KAZN: variants seen among roughly 807,000 people sequenced by gnomAD.
KAZN encodes kazrin, periplakin interacting protein.
KAZN carries 40 observed loss-of-function variants against 87.4 expected under a neutral mutation model. The observed-to-expected ratio is 0.46, with a 90% CI of 0.36 to 0.60. The LOEUF is 0.60. Among genes scored for constraint, KAZN ranks in the 20% least tolerant of loss-of-function variants. KAZN has a pLI of 0.00. For missense variants in KAZN, 898 were observed against 1,073.9 expected (o/e 0.84, Z 2.29); for synonymous variants, 466 against 458.3 (o/e 1.02, Z -0.22).
At chr1:14,134,357 A>G (rs1267263523) in intron 1 of KAZN, among the ~76,000 whole-genome samples, 1 of 152,208 alleles carries the variant, frequency 6.6e-6, no homozygotes. Context: ...ACAACTGTGG[A>G]CTTTCACAGA....
At chr1:14,750,745 C>T (rs1461806288) in intron 1 of KAZN, among the ~76,000 whole-genome samples, 1 of 152,214 alleles carries the variant, frequency 6.6e-6, no homozygotes, top group East Asian at 1.9e-4. Flanking sequence ...CTGAAGATGG[C>T]TCACATTTGA....
intron 2 of KAZN, among the ~76,000 whole-genome samples, chr1:14,406,517 C>CT (rs1459298730): frequency 2.6e-5 from 4 of 151,806 alleles, no homozygotes; most frequent in Non-Finnish European, 4.4e-5. Flanking sequence ...AAGAATGACA[C>CT]AATGGACTTT....
At chr1:14,553,438 C>A (rs553001024) in intron 2 of KAZN, among the ~76,000 whole-genome samples, 4 of 152,294 alleles carry the variant, frequency 2.6e-5, no homozygotes, top group African/African-American at 9.6e-5. Flanking sequence ...ATGTTCCGCC[C>A]CATGCAAGTG....
intron 1 of KAZN, among the ~76,000 whole-genome samples, chr1:14,109,817 T>TCTCGCTCTG (rs1186061578): frequency 3.8e-4 from 57 of 149,754 alleles, no homozygotes; most frequent in South Asian, 1.3e-3. Context: ...TCAAAACGAT[T>TCTCGCTCTG]TCAGCGTCAA....
At chr1:14,079,884 C>T (rs1643605957) in intron 1 of KAZN, among the ~76,000 whole-genome samples, 1 of 151,870 alleles carries the variant, frequency 6.6e-6, no homozygotes, top group Non-Finnish European at 1.5e-5. Flanking sequence ...CCCACCACTT[C>T]CCATCAGGCC....
chr1:14,739,271 A>G (rs1572364232), intron 1 of KAZN, among the ~76,000 whole-genome samples: 1 of 152,194 alleles, frequency 6.6e-6, no homozygotes, highest in Admixed American at 6.5e-5. Flanking sequence ...TTAAGTCACA[A>G]ATGGTTTCCA....
chr1:14,728,103 C>T lies in KAZN; in HGVS notation c.226+128880C>T, dbSNP rs1458796534. Among the ~76,000 whole-genome samples, 7 of 151,420 alleles carry T rather than the reference C, an allele frequency of 4.6e-5. No individual in the cohort carries two copies. The East Asian group carries it at 6.0e-4, about 13-fold the overall frequency. On this transcript the variant is annotated intron_variant, in intron 1 of 14. Coordinates refer to ENST00000376030, the MANE Select transcript of KAZN (RefSeq NM_201628.3). ...GAGTTCGAGACCAGCCTGGCCAACA[C>T]GGTGAAACCTCGTCTCTACTAAAAA...
At chr1:14,854,730 C>CTA (rs144170063) in intron 1 of KAZN, among the ~76,000 whole-genome samples, 7,894 of 152,162 alleles carry the variant, frequency 0.052, 305 homozygotes, top group Admixed American at 0.091. Context: ...CTGTACCTGT[C>CTA]TGCCACCGCA....
At chr1:14,350,196 A>C (rs889010807) in intron 2 of KAZN, among the ~76,000 whole-genome samples, 1 of 151,164 alleles carries the variant, frequency 6.6e-6, no homozygotes, top group Non-Finnish European at 1.5e-5. Context: ...CTCCAGGATG[A>C]GGTTTCTGTC....
At position 13,983,505 on chromosome 1, in the gene KAZN, C is replaced by A. The variant is rs138906492; in HGVS notation, c.91+89749C>A. On this transcript the variant is annotated intron_variant, in intron 1 of 16. Transcript: ENST00000636203. ...ACCACCTGGAACTCTAGCTGGCCCG[C>A]AAGCACGGCACACAGCCCTGGTTCC... Among the ~76,000 whole-genome samples, 712 of 152,334 alleles carry A rather than the reference C, an allele frequency of 4.7e-3. 4 individuals carry two copies. The highest frequency in any genetic ancestry group is 6.7e-3 in the Admixed American group (102 of 15,302).
intron 2 of KAZN, among the ~76,000 whole-genome samples, chr1:14,514,584 T>TATACGAAATATATA (rs1210009776): frequency 9.4e-5 from 3 of 32,076 alleles, no homozygotes; most frequent in African/African-American, 3.3e-4. Context: ...TTTTATATAT[T>TATACGAAATATATA]TTTTTATATT....
intron 1 of KAZN, among the ~76,000 whole-genome samples, chr1:13,969,018 G>A (rs978631): frequency 0.028 from 4,246 of 152,216 alleles, 194 homozygotes; most frequent in African/African-American, 0.098. Flanking sequence ...GTACCTGTAT[G>A]GATTATTCTT....
chr1:14,244,538 TC>T (rs1260277008), intron 2 of KAZN, among the ~76,000 whole-genome samples: 1 of 152,092 alleles, frequency 6.6e-6, no homozygotes, highest in African/African-American at 2.4e-5. Context: ...GAGCTGAGGT[TC>T]TATTGGGACA....
At chr1:14,742,002 C>T (rs1474113855) in intron 1 of KAZN, among the ~76,000 whole-genome samples, 1 of 152,050 alleles carries the variant, frequency 6.6e-6, no homozygotes, top group Non-Finnish European at 1.5e-5. Context: ...GCCACATTCA[C>T]CTTCTTGATA....
At position 13,957,757 on chromosome 1, in the gene KAZN, C is replaced by T. The variant is rs146732621; in HGVS notation, c.91+64001C>T. Reference sequence around the variant, plus strand: ...CAGTGAGTGAGACAGTGAGAACTCACGCTCTGGGGGATGGCGTTAATCTAT... The same window carrying T: ...CAGTGAGTGAGACAGTGAGAACTCATGCTCTGGGGGATGGCGTTAATCTAT... On this transcript the variant is annotated intron_variant, in intron 1 of 16. Coordinates refer to the KAZN transcript ENST00000636203. 4.5e-3 allele frequency among the ~76,000 whole-genome samples: 689 copies of T among 152,188 alleles called. 5 individuals carry two copies. The highest frequency in any genetic ancestry group is 0.015 in the African/African-American group (637 of 41,536).
At chr1:14,659,529 C>T (rs945784087) in intron 1 of KAZN, among the ~76,000 whole-genome samples, 20 of 152,268 alleles carry the variant, frequency 1.3e-4, no homozygotes, top group Admixed American at 1.3e-3. Flanking sequence ...GTAGGCAGCA[C>T]TTTATGTTGT....
chr1:15,014,371 G>T (rs6663935), intron 2 of KAZN, among the ~76,000 whole-genome samples: 142,695 of 152,160 alleles, frequency 0.94, 66,972 homozygotes, highest in East Asian at 1. Flanking sequence ...CTTCTAAGAT[G>T]GGCAAATGTT....
At chr1:14,143,436 TTA>T (rs1253299254) in intron 1 of KAZN, among the ~76,000 whole-genome samples, 5 of 152,176 alleles carry the variant, frequency 3.3e-5, no homozygotes, top group Admixed American at 3.3e-4. Context: ...TTTTCTGGTT[TTA>T]TATGTCAACT....
intron 1 of KAZN, among the ~76,000 whole-genome samples, chr1:14,026,594 C>G (rs545218192): frequency 2.0e-5 from 3 of 152,302 alleles, no homozygotes; most frequent in Non-Finnish European, 4.4e-5. Flanking sequence ...ATTTGCCCTG[C>G]TCCAGGAAAG....
Sources: gnomAD v4.1 joint callset for allele counts (sites outside exome capture counted in the v4.1 genomes callset) on GRCh38, gnomAD v4.1.1 for gene constraint, MANE v1.5 for transcripts, NCBI Gene and HGNC (gene_info 2026-07-23, HGNC 2026-07-21) for gene names.